The following PITPNC1 variants were observed in gnomAD, a reference collection of about 807,000 sequenced individuals.
PITPNC1 encodes the protein phosphatidylinositol transfer protein cytoplasmic 1, also known as cytoplasmic phosphatidylinositol transfer protein 1.
In PITPNC1, 18 loss-of-function variants were observed where a neutral mutation model predicts 44.7. The ratio of observed to expected loss-of-function variants is 0.40; its 90% CI spans 0.28 to 0.60. PITPNC1 has a LOEUF of 0.60. PITPNC1 is among the 20% of genes least tolerant of loss of function. The pLI, the probability that PITPNC1 is intolerant of heterozygous loss-of-function variation, is 0.39. For synonymous variants in PITPNC1, 141 were observed against 149.6 expected, an observed-to-expected ratio of 0.94 and a Z score of 0.42; for missense variants, 290 against 418.4, an observed-to-expected ratio of 0.69 and a Z score of 2.68.
chr17:67,646,701 T>A (rs1025063512), intron 6 of PITPNC1, among the ~76,000 whole-genome samples: 2 of 151,808 alleles, frequency 1.3e-5, no homozygotes, highest in African/African-American at 4.9e-5. Context: ...GGTGTGTGTG[T>A]GTGGGTGTGT....
intron 1 of PITPNC1, chr17:67,378,938 G>A (rs1377314394): frequency 1.8e-5 from 18 of 981,940 alleles, no homozygotes; most frequent in South Asian, 4.7e-5. Context: ...GCTGCCGGCT[G>A]GGGGCGCCGG....
intron 2 of PITPNC1, among the ~76,000 whole-genome samples, chr17:67,540,423 A>G (rs1162041392): frequency 6.6e-6 from 1 of 152,096 alleles, no homozygotes; most frequent in Non-Finnish European, 1.5e-5. Flanking sequence ...TTTTTAAAAG[A>G]AGAAAGTTCA....
intron 4 of PITPNC1, among the ~76,000 whole-genome samples, chr17:67,564,636 C>T (rs1047486646): frequency 5.9e-5 from 9 of 152,132 alleles, no homozygotes; most frequent in African/African-American, 1.4e-4. Context: ...GTCAAGTTGA[C>T]GCCTAAAATT....
intron 1 of PITPNC1, among the ~76,000 whole-genome samples, chr17:67,434,360 C>T (rs1384704293): frequency 6.6e-6 from 1 of 152,214 alleles, no homozygotes; most frequent in African/African-American, 2.4e-5. Flanking sequence ...GTTGCCACCC[C>T]AGCCTGGGAA....
chr17:67,486,730 C>T (rs942914610), intron 1 of PITPNC1, among the ~76,000 whole-genome samples: 3 of 152,126 alleles, frequency 2.0e-5, no homozygotes, highest in Non-Finnish European at 4.4e-5. Flanking sequence ...GCATTTAGGG[C>T]GGTGAGAGCA....
intron 1 of PITPNC1, among the ~76,000 whole-genome samples, chr17:67,439,321 G>A (rs887554478): frequency 1.2e-4 from 18 of 152,282 alleles, no homozygotes; most frequent in Non-Finnish European, 2.4e-4. Context: ...CTATTGGCAT[G>A]GCCGTCACCC....
At chr17:67,628,625 G>T (rs1187816159) in intron 5 of PITPNC1, among the ~76,000 whole-genome samples, 1 of 152,230 alleles carries the variant, frequency 6.6e-6, no homozygotes, top group Non-Finnish European at 1.5e-5. Context: ...CTGGTTCACA[G>T]TGGTTGAGCA....
chr17:67,429,973 T>G (rs1360243350), intron 1 of PITPNC1, among the ~76,000 whole-genome samples: 1 of 152,228 alleles, frequency 6.6e-6, no homozygotes, highest in Non-Finnish European at 1.5e-5. Context: ...TTAGGAATCA[T>G]TTAGGAATTA....
chr17:67,499,523 A>G (rs2040000318), intron 1 of PITPNC1, among the ~76,000 whole-genome samples: 1 of 152,184 alleles, frequency 6.6e-6, no homozygotes, highest in Non-Finnish European at 1.5e-5. Context: ...GGCCAGCCTG[A>G]GGAATCTTAG....
At chr17:67,443,312 T>C (rs901999713) in intron 1 of PITPNC1, among the ~76,000 whole-genome samples, 2 of 151,988 alleles carry the variant, frequency 1.3e-5, no homozygotes, top group Admixed American at 1.3e-4. Context: ...GCTCTCAAGT[T>C]TCACCTCAGA....
At chr17:67,448,733 G>C (rs1026676713) in intron 1 of PITPNC1, among the ~76,000 whole-genome samples, 2 of 152,030 alleles carry the variant, frequency 1.3e-5, no homozygotes, top group Non-Finnish European at 2.9e-5. Context: ...TACTTACCTA[G>C]GCCATACTTA....
chr17:67,486,129 T>G (rs1017664092), intron 1 of PITPNC1, among the ~76,000 whole-genome samples: 4 of 152,206 alleles, frequency 2.6e-5, no homozygotes, highest in African/African-American at 9.6e-5. Flanking sequence ...ATTTTATTTT[T>G]TCCTGACATG....
chr17:67,500,890 A>G (rs951482030), intron 1 of PITPNC1, among the ~76,000 whole-genome samples: 12 of 150,860 alleles, frequency 8.0e-5, no homozygotes, highest in Non-Finnish European at 1.2e-4. Flanking sequence ...GGGTCTCTCT[A>G]TATTGCCCAG....
chr17:67,530,354 G>A (rs960188498), intron 1 of PITPNC1, among the ~76,000 whole-genome samples: 1 of 151,952 alleles, frequency 6.6e-6, no homozygotes, highest in Non-Finnish European at 1.5e-5. Flanking sequence ...GCCTCCCAAA[G>A]TGCTGGGATT....
At chr17:67,436,908 G>GT (rs1044625193) in intron 1 of PITPNC1, among the ~76,000 whole-genome samples, 6,153 of 68,418 alleles carry the variant, frequency 0.09, 1,675 homozygotes, top group African/African-American at 0.11. Flanking sequence ...AAATAGGGGT[G>GT]TTTTTTTTTT....
At chr17:67,410,888 G>A (rs1280573720) in intron 1 of PITPNC1, among the ~76,000 whole-genome samples, 1 of 151,760 alleles carries the variant, frequency 6.6e-6, no homozygotes, top group Non-Finnish European at 1.5e-5. Flanking sequence ...TTCAAGACCA[G>A]CCTGGCCAAG....
chr17:67,475,054 G>A (rs560130424), intron 1 of PITPNC1, among the ~76,000 whole-genome samples: 99 of 152,330 alleles, frequency 6.5e-4, no homozygotes, highest in Non-Finnish European at 9.8e-4. Context: ...AACACTCAAC[G>A]TTGACGCTAT....
At chr17:67,654,942 T>C (rs943139577) in intron 6 of PITPNC1, among the ~76,000 whole-genome samples, 7 of 152,096 alleles carry the variant, frequency 4.6e-5, no homozygotes, top group African/African-American at 1.7e-4. Flanking sequence ...CAGGAGTTCT[T>C]AACACCATTC....
chr17:67,416,922 C>T (rs917400182), intron 1 of PITPNC1, among the ~76,000 whole-genome samples: 16 of 151,952 alleles, frequency 1.1e-4, no homozygotes, highest in African/African-American at 3.4e-4. Context: ...AAGCAATTCT[C>T]CTGCCTCAGC....
Sources: allele counts gnomAD v4.1 joint callset (sites outside exome capture counted in the v4.1 genomes callset), GRCh38; gene constraint gnomAD v4.1.1; transcripts MANE v1.5; gene names NCBI Gene and HGNC (gene_info 2026-07-23, HGNC 2026-07-21).